KIRREL3: variants seen among roughly 807,000 people sequenced by gnomAD.
KIRREL3 encodes kirre like nephrin family adhesion molecule 3.
A neutral mutation model predicts 89.7 loss-of-function variants in KIRREL3; 36 were observed. The ratio of observed to expected loss-of-function variants is 0.40; its 90% CI spans 0.31 to 0.53. KIRREL3 has a LOEUF of 0.53. Ranked by LOEUF, KIRREL3 falls within the 20% of genes least tolerant of loss-of-function variation. KIRREL3 has a pLI of 0.49. For missense variants in KIRREL3, 864 were observed against 1,056.6 expected, an observed-to-expected ratio of 0.82 and a Z score of 2.53; for synonymous variants, 445 against 441.4, an observed-to-expected ratio of 1.01 and a Z score of -0.10.
In KIRREL3 at chr11:126,808,945, T is replaced by A. The variant is rs1245083627; in HGVS notation, c.55+191510A>T. Among the ~76,000 whole-genome samples the A allele has an allele frequency of 6.6e-6, 1 of 152,174 alleles. No individual in the cohort carries two copies. The highest frequency in any genetic ancestry group is 1.5e-5 in the Non-Finnish European group (1 of 68,028). ...GGACTGATTCTGCTTTATTCATAAC[T>A]GTTTGAAAAATCTCTTGTTCTTTTC... On this transcript the variant is annotated intron_variant, in intron 1 of 16. Coordinates refer to ENST00000525144, the MANE Select transcript of KIRREL3 (RefSeq NM_032531.4). The surrounding 1 kb of genome is among the most constrained non-coding windows in gnomAD (Gnocchi z 4.1).
In KIRREL3 at chr11:126,710,359, T is replaced by A. The variant is rs1242880777; in HGVS notation, c.56-147447A>T. Among the ~76,000 whole-genome samples the A allele has an allele frequency of 1.3e-5, 2 of 152,158 alleles. No homozygotes were observed. The highest frequency in any genetic ancestry group is 2.4e-5 in the African/African-American group (1 of 41,440). On this transcript the variant is annotated intron_variant, in intron 1 of 16. Transcript: ENST00000525144. This position sits in a 1 kb window ranked among gnomAD's most constrained non-coding sequence, Gnocchi z 4.2. The stretch of plus-strand genomic sequence containing the variant: ...TCAGTGTGGCACCCCATTCTTCCCA[T>A]TGAGCCCTCTCCTCTTCCTGTTGAA...
At chr11:126,672,893 G>A (rs1391200927) in intron 1 of KIRREL3, among the ~76,000 whole-genome samples, 1 of 152,186 alleles carries the variant, frequency 6.6e-6, no homozygotes, top group Non-Finnish European at 1.5e-5. Context: ...TGTTTCAATT[G>A]CTTTGCGTTA....
Position 126,812,631 on chromosome 11 carries a change from G to A in KIRREL3, c.55+187824C>T, listed in dbSNP as rs1182348639. Reference sequence around the variant, plus strand: ...GATTTCAGATGCAAGGCAATGGTTAGTAACTAGATTTTCTTAGTCCGCCCT... The same window carrying A: ...GATTTCAGATGCAAGGCAATGGTTAATAACTAGATTTTCTTAGTCCGCCCT... On this transcript the variant is annotated intron_variant, in intron 1 of 16. Coordinates refer to ENST00000525144, the MANE Select transcript of KIRREL3 (RefSeq NM_032531.4). The surrounding 1 kb of genome is among the most constrained non-coding windows in gnomAD (Gnocchi z 5.2). 6.6e-6 allele frequency among the ~76,000 whole-genome samples: 1 copy of A among 152,182 alleles called. No homozygotes were observed. Among genetic ancestry groups the A allele is most frequent in the African/African-American group, 2.4e-5 (1 of 41,450 alleles).
intron 1 of KIRREL3, among the ~76,000 whole-genome samples, chr11:126,874,143 C>T (rs559480081): frequency 5.9e-5 from 9 of 152,336 alleles, no homozygotes; most frequent in East Asian, 1.9e-4. Context: ...TCATTGCTTT[C>T]TCATTTTCTC....
intron 1 of KIRREL3, among the ~76,000 whole-genome samples, chr11:126,632,772 G>GTATGCAGCAACGATATGAACAAGA (rs1944094036): frequency 6.9e-5 from 2 of 28,820 alleles, no homozygotes; most frequent in Non-Finnish European, 1.4e-4. Context: ...CCAATGCCCA[G>GTATGCAGCAACGATATGAACAAGA]GCACTTGGAG....
In KIRREL3 at chr11:126,796,819, G is replaced by C. The variant is rs1950827254; in HGVS notation, c.55+203636C>G. Among the ~76,000 whole-genome samples, 2 of 152,034 alleles carry C rather than the reference G, an allele frequency of 1.3e-5. No homozygotes were observed. The highest frequency in any genetic ancestry group is 4.8e-5 in the African/African-American group (2 of 41,392). ...GCCTGGCTGATTTTTTCCCACCCCT[G>C]CTTTTTAAAAATGTTGGTGCTCCAA... On this transcript the variant is annotated intron_variant, in intron 1 of 16. Coordinates refer to ENST00000525144, the MANE Select transcript of KIRREL3 (RefSeq NM_032531.4). The surrounding 1 kb of genome is among the most constrained non-coding windows in gnomAD (Gnocchi z 5.1).
intron 1 of KIRREL3, among the ~76,000 whole-genome samples, chr11:126,960,941 G>C (rs1949066904): frequency 6.6e-6 from 1 of 151,950 alleles, no homozygotes; most frequent in Non-Finnish European, 1.5e-5. Flanking sequence ...ATTATTATTA[G>C]GGCTATTATG....
At chr11:126,984,670 T>A (rs915385423) in intron 1 of KIRREL3, among the ~76,000 whole-genome samples, 3 of 152,188 alleles carry the variant, frequency 2.0e-5, no homozygotes, top group Non-Finnish European at 4.4e-5. Context: ...TGTGCCATAG[T>A]TGGAATCAAC....
At position 126,622,784 on chromosome 11, in the gene KIRREL3, C is replaced by T. The variant is rs1390059039; in HGVS notation, c.56-59872G>A. On this transcript the variant is annotated intron_variant, in intron 1 of 16. Transcript: ENST00000525144. The surrounding 1 kb of genome is among the most constrained non-coding windows in gnomAD (Gnocchi z 5.2). ...TCAAACTCTAAAAGGAGAAAATAAT[C>T]ACACCAGCTACACTTTTTACAGTGC... Among the ~76,000 whole-genome samples, 1 of 152,210 alleles carries T rather than the reference C, an allele frequency of 6.6e-6. No individual in the cohort carries two copies. Among genetic ancestry groups the T allele is most frequent in the Non-Finnish European group, 1.5e-5 (1 of 68,040 alleles).
At chr11:126,567,090 G>A (rs928724931) in intron 1 of KIRREL3, among the ~76,000 whole-genome samples, 2 of 152,214 alleles carry the variant, frequency 1.3e-5, no homozygotes, top group African/African-American at 4.8e-5. Flanking sequence ...CTGGGACAGT[G>A]CTATAGGTCG....
intron 4 of KIRREL3, among the ~76,000 whole-genome samples, chr11:126,493,336 A>T (rs192362403): frequency 6.6e-4 from 101 of 152,250 alleles, no homozygotes; most frequent in African/African-American, 2.2e-3. Context: ...CCTGGCTAAC[A>T]CGGTGAAACC....
chr11:126,575,953 C>T lies in KIRREL3; in HGVS notation c.56-13041G>A, dbSNP rs1450631566. 6.6e-6 allele frequency among the ~76,000 whole-genome samples: 1 copy of T among 152,172 alleles called. No homozygotes were observed. The highest frequency in any genetic ancestry group is 2.4e-5 in the African/African-American group (1 of 41,420). ...CATTCATACCTTTGCTATGAGACTC[C>T]CTTATAGATGCGACCACGGTTTTGA... On this transcript the variant is annotated intron_variant, in intron 1 of 16. Transcript: ENST00000525144. This position sits in a 1 kb window ranked among gnomAD's most constrained non-coding sequence, Gnocchi z 7.0.
chr11:126,984,581 G>A (rs1489552945), intron 1 of KIRREL3, among the ~76,000 whole-genome samples: 1 of 152,176 alleles, frequency 6.6e-6, no homozygotes, highest in African/African-American at 2.4e-5. Flanking sequence ...GAGTTATTAT[G>A]TTCTCTTTGT....
At position 126,563,021 on chromosome 11, in the gene KIRREL3, C is replaced by T; in HGVS notation, c.56-109G>A. 1.5e-6 allele frequency: 1 copy of T among 668,104 alleles called. No individual in the cohort carries two copies. The highest frequency in any genetic ancestry group is 2.7e-5 in the East Asian group (1 of 36,698). 41.4% of individuals were successfully genotyped at this position (668,104 alleles called of 1,614,324 possible). Reference sequence around the variant, plus strand: ...CTTGTTGCTCTTATAAACAGAGGTGCTTTTGTTTAGCCAACATTTATATGG... The same window carrying T: ...CTTGTTGCTCTTATAAACAGAGGTGTTTTTGTTTAGCCAACATTTATATGG... On this transcript the variant is annotated intron_variant, in intron 1 of 16. Coordinates refer to ENST00000525144, the MANE Select transcript of KIRREL3 (RefSeq NM_032531.4). The surrounding 1 kb of genome is among the most constrained non-coding windows in gnomAD (Gnocchi z 6.8).
rs566296060 is a variant in KIRREL3, at chr11:126,432,649, C to T, written c.1589-1123G>A. On this transcript the variant is annotated intron_variant, in intron 13 of 16. Coordinates refer to ENST00000525144, the MANE Select transcript of KIRREL3 (RefSeq NM_032531.4). The surrounding 1 kb of genome is among the most constrained non-coding windows in gnomAD (Gnocchi z 6.2). ...TGAGATCCCCCACATCTCATGTGCT[C>T]GGTACCGCCCAGACTGCTGCTGCTC... Among the ~76,000 whole-genome samples, 124 of 152,166 alleles carry T rather than the reference C, an allele frequency of 8.1e-4. No homozygotes were observed. The highest frequency in any genetic ancestry group is 2.8e-3 in the African/African-American group (116 of 41,508).
rs1006973107 is a variant in KIRREL3 at position 126,681,410 on chromosome 11, C to T, written c.56-118498G>A. 5.3e-5 allele frequency among the ~76,000 whole-genome samples: 8 copies of T among 152,170 alleles called. No homozygotes were observed. The South Asian group carries it at 8.3e-4, about 16-fold the overall frequency. ...ATTGCCTACAGTCATCAGGGGAGCACGAAGCTTGAGGTAGGTGGGCTGATG... is the reference window on the plus strand; with the variant it reads ...ATTGCCTACAGTCATCAGGGGAGCATGAAGCTTGAGGTAGGTGGGCTGATG... On this transcript the variant is annotated intron_variant, in intron 1 of 16. Transcript: ENST00000525144.
intron 1 of KIRREL3, among the ~76,000 whole-genome samples, chr11:126,629,987 G>A (rs1379144942): frequency 6.6e-6 from 1 of 152,148 alleles, no homozygotes; most frequent in Non-Finnish European, 1.5e-5. Flanking sequence ...TTTTCTGCCA[G>A]GATCCTGATA....
In KIRREL3 at chr11:126,796,188, G is replaced by T. The variant is rs1565738381; in HGVS notation, c.55+204267C>A. 6.6e-6 allele frequency among the ~76,000 whole-genome samples: 1 copy of T among 150,442 alleles called. No individual in the cohort carries two copies. The highest frequency in any genetic ancestry group is 2.4e-5 in the African/African-American group (1 of 40,844). On this transcript the variant is annotated intron_variant, in intron 1 of 16. Coordinates refer to ENST00000525144, the MANE Select transcript of KIRREL3 (RefSeq NM_032531.4). The surrounding 1 kb of genome is among the most constrained non-coding windows in gnomAD (Gnocchi z 5.1). The stretch of plus-strand genomic sequence containing the variant: ...CTAGAGGTCATGAAGGGAAGAAGGG[G>T]TTAAAAAAAAAAAAGGCAAGACACA...
chr11:126,773,867 T>C lies in KIRREL3; in HGVS notation c.56-210955A>G, dbSNP rs1336705515. 2.6e-5 allele frequency among the ~76,000 whole-genome samples: 4 copies of C among 152,230 alleles called. No homozygotes were observed. Among genetic ancestry groups the C allele is most frequent in the Non-Finnish European group, 4.4e-5 (3 of 68,038 alleles). ...ATTATTTGAATACTTCTGGGACTTT[T>C]AAAAGTGCAAACAGCAGAACACACC... On this transcript the variant is annotated intron_variant, in intron 1 of 16. Coordinates refer to ENST00000525144, the MANE Select transcript of KIRREL3 (RefSeq NM_032531.4). This position sits in a 1 kb window ranked among gnomAD's most constrained non-coding sequence, Gnocchi z 4.2.
Sources: gnomAD v4.1 joint callset for allele counts (sites outside exome capture counted in the v4.1 genomes callset) on GRCh38, gnomAD v4.1.1 for gene constraint, Gnocchi (gnomAD v3.1) non-coding constraint, MANE v1.5 for transcripts, NCBI Gene and HGNC (gene_info 2026-07-23, HGNC 2026-07-21) for gene names.